Variants in PHACTR1 observed in about 807,000 individuals in gnomAD.
PHACTR1 encodes the protein RPEL repeat containing 1.
Under a neutral mutation model 69.2 loss-of-function variants are expected in PHACTR1, and 16 were observed. The ratio of observed to expected loss-of-function variants is 0.23; its 90% CI spans 0.16 to 0.35. The LOEUF (loss-of-function observed/expected upper bound fraction) is 0.35. PHACTR1 is among the 10% of genes least tolerant of loss of function. The probability of loss-of-function intolerance (pLI) is 1.00; values close to 1 mark genes in which losing one functional copy is unlikely to be tolerated. For missense variants in PHACTR1, 510 were observed against 734.7 expected, an observed-to-expected ratio of 0.69 and a Z score of 3.54; for synonymous variants, 312 against 284.5, an observed-to-expected ratio of 1.10 and a Z score of -0.97.
chr6:12,799,370 T>C (rs921929618), intron 4 of PHACTR1, among the ~76,000 whole-genome samples: 6 of 152,112 alleles, frequency 3.9e-5, no homozygotes, highest in Admixed American at 2.6e-4. Context: ...CAATGAGACA[T>C]TGTTAGCTTT....
chr6:13,075,322 A>C (rs1235622082), intron 5 of PHACTR1, among the ~76,000 whole-genome samples: 1 of 152,158 alleles, frequency 6.6e-6, no homozygotes, highest in Non-Finnish European at 1.5e-5. Flanking sequence ...GTGGCTCTTA[A>C]AGAACAAATC....
At chr6:12,731,279 G>T (rs1382504765) in intron 3 of PHACTR1, among the ~76,000 whole-genome samples, 3 of 152,168 alleles carry the variant, frequency 2.0e-5, no homozygotes, top group African/African-American at 7.2e-5. Flanking sequence ...TTCCCAAAGT[G>T]CTGGGATTAC....
chr6:13,207,628 A>C (rs372064683), intron 8 of PHACTR1, among the ~76,000 whole-genome samples: 2 of 152,068 alleles, frequency 1.3e-5, no homozygotes, highest in African/African-American at 4.8e-5. Context: ...ACCGCCACCT[A>C]CCTCACATCC....
At position 12,933,924 on chromosome 6, in the gene PHACTR1, G is replaced by A. The variant is rs763287039; in HGVS notation, c.251-119441G>A. 7.5e-6 allele frequency: 12 copies of A among 1,607,858 alleles called. No individual in the cohort carries two copies. In the South Asian group the frequency reaches 1.3e-4, roughly 18 times the overall value. On this transcript the variant is annotated intron_variant, in intron 4 of 14. Transcript: ENST00000332995. The stretch of plus-strand genomic sequence containing the variant: ...ATTTACTCTTTGGTCCATATGGGAA[G>A]GGAAAATGCGGGTTGGCGTGTGTAT...
At chr6:12,823,175 G>T in intron 4 of PHACTR1, among the ~76,000 whole-genome samples, 1 of 152,154 alleles carries the variant, frequency 6.6e-6, no homozygotes, top group East Asian at 1.9e-4. Context: ...TACATTCTAC[G>T]TGCTTAGATT....
At chr6:12,729,961 C>T (rs1451859279) in intron 3 of PHACTR1, among the ~76,000 whole-genome samples, 1 of 152,120 alleles carries the variant, frequency 6.6e-6, no homozygotes, top group Non-Finnish European at 1.5e-5. Flanking sequence ...TGATGCAACC[C>T]TTCCCTGAGA....
intron 4 of PHACTR1, among the ~76,000 whole-genome samples, chr6:12,850,938 T>G (rs991110834): frequency 6.6e-6 from 1 of 152,184 alleles, no homozygotes; most frequent in Non-Finnish European, 1.5e-5. Context: ...TAAGATCACA[T>G]TCCAAGGTAC....
At chr6:12,846,922 A>C (rs185235198) in intron 4 of PHACTR1, among the ~76,000 whole-genome samples, 1 of 151,898 alleles carries the variant, frequency 6.6e-6, no homozygotes, top group East Asian at 1.9e-4. Context: ...TTCCAACCTC[A>C]GCTTCCTGAG....
chr6:12,924,420 A>G (rs1042396779), intron 4 of PHACTR1, among the ~76,000 whole-genome samples: 4 of 152,200 alleles, frequency 2.6e-5, no homozygotes, highest in African/African-American at 9.6e-5. Flanking sequence ...TGATTTGCCC[A>G]TCTTTTGGCA....
intron 4 of PHACTR1, among the ~76,000 whole-genome samples, chr6:12,837,003 G>C (rs1005488342): frequency 1.3e-5 from 2 of 152,024 alleles, no homozygotes; most frequent in African/African-American, 4.8e-5. Context: ...TAAAACACCA[G>C]CCCAGAACTC....
At chr6:12,890,605 T>G (rs1784083894) in intron 4 of PHACTR1, among the ~76,000 whole-genome samples, 1 of 152,102 alleles carries the variant, frequency 6.6e-6, no homozygotes, top group Admixed American at 6.5e-5. Flanking sequence ...CACATTCCCT[T>G]CTTAGGGCCT....
intron 4 of PHACTR1, among the ~76,000 whole-genome samples, chr6:12,858,830 C>G (rs1780665363): frequency 6.7e-6 from 1 of 149,844 alleles, no homozygotes. Flanking sequence ...ACACACACCA[C>G]ACACACACAC....
Position 13,283,735 on chromosome 6 carries a change from A to G in PHACTR1, c.1650+173A>G. On this transcript the variant is annotated intron_variant, in intron 13 of 14. Transcript: ENST00000332995. The surrounding 1 kb of genome is among the most constrained non-coding windows in gnomAD (Gnocchi z 4.7). Reference sequence around the variant, plus strand: ...CCAGGGGCCACAGATAATCTGCGGAAAGGCTGCTGAATCGGAGAAAACACA... The same window carrying G: ...CCAGGGGCCACAGATAATCTGCGGAGAGGCTGCTGAATCGGAGAAAACACA... 6 of 910,602 alleles carry G rather than the reference A, an allele frequency of 6.6e-6. No homozygotes were observed. Among genetic ancestry groups the G allele is most frequent in the Non-Finnish European group, 1.0e-5 (6 of 601,630 alleles). The allele number at this position is 910,602 out of a possible 1,614,324, so 56.4% of individuals were successfully genotyped here.
At chr6:13,167,684 G>T (rs543619901) in intron 6 of PHACTR1, among the ~76,000 whole-genome samples, 3 of 152,326 alleles carry the variant, frequency 2.0e-5, no homozygotes, top group Non-Finnish European at 4.4e-5. Flanking sequence ...TCCATTGTGT[G>T]CTGGAAATTA....
At chr6:13,023,118 G>A (rs1308691736) in intron 4 of PHACTR1, among the ~76,000 whole-genome samples, 2 of 152,168 alleles carry the variant, frequency 1.3e-5, no homozygotes, top group Admixed American at 6.5e-5. Context: ...AGATTATCCA[G>A]TGTCCAATTA....
rs767143900 is a variant in PHACTR1, at chr6:13,283,915, G to A, written c.1650+353G>A. On this transcript the variant is annotated intron_variant, in intron 13 of 14. Transcript: ENST00000332995. The surrounding 1 kb of genome is among the most constrained non-coding windows in gnomAD (Gnocchi z 4.7). ...CTTCCGTATAGGGGATGGTGCTGCC[G>A]GCATCCAACGAGGGATTCACCAAAC... The A allele has an allele frequency of 2.0e-5, 5 of 256,058 alleles. No individual in the cohort carries two copies. Among genetic ancestry groups the A allele is most frequent in the Non-Finnish European group, 3.1e-5 (4 of 129,918 alleles). The allele number at this position is 256,058 out of a possible 1,614,324, so 15.9% of individuals were successfully genotyped here.
intron 5 of PHACTR1, among the ~76,000 whole-genome samples, chr6:13,077,697 C>G (rs1810742668): frequency 6.6e-6 from 1 of 152,026 alleles, no homozygotes; most frequent in South Asian, 2.1e-4. Context: ...ATACAACCAA[C>G]AGGAACAGGG....
At chr6:13,194,742 A>G (rs1727925116) in intron 7 of PHACTR1, among the ~76,000 whole-genome samples, 1 of 152,256 alleles carries the variant, frequency 6.6e-6, no homozygotes, top group African/African-American at 2.4e-5. Flanking sequence ...ACAAATATGT[A>G]TCAAAATGTC....
chr6:12,930,358 G>C (rs1029450634), intron 4 of PHACTR1, among the ~76,000 whole-genome samples: 3 of 152,128 alleles, frequency 2.0e-5, no homozygotes, highest in Admixed American at 6.5e-5. Context: ...GAATTTTTTT[G>C]GGTGTGTGGA....
Sources: gnomAD v4.1 joint callset for allele counts (sites outside exome capture counted in the v4.1 genomes callset) on GRCh38, gnomAD v4.1.1 for gene constraint, Gnocchi (gnomAD v3.1) non-coding constraint, MANE v1.5 for transcripts, NCBI Gene and HGNC (gene_info 2026-07-23, HGNC 2026-07-21) for gene names.